Variants in SPAG16 observed in about 807,000 individuals in gnomAD.
SPAG16 encodes the protein sperm-associated antigen 16 protein.
A neutral mutation model predicts 80.4 loss-of-function variants in SPAG16; 86 were observed. That is an observed-to-expected ratio of 1.07 (90% CI 0.90 to 1.28). The LOEUF (loss-of-function observed/expected upper bound fraction) is 1.28, where lower values mean the gene tolerates loss of function less well. Ranked by LOEUF, SPAG16 falls within the 50% of genes most tolerant of loss-of-function variation. The pLI, the probability that SPAG16 is intolerant of heterozygous loss-of-function variation, is 0.00. For synonymous variants in SPAG16, 294 were observed against 265.9 expected (o/e 1.11, Z -1.03); for missense variants, 870 against 765.3 (o/e 1.14, Z -1.61).
intron 14 of SPAG16, among the ~76,000 whole-genome samples, chr2:214,145,272 A>G (rs1201992601): frequency 6.6e-6 from 1 of 152,200 alleles, no homozygotes; most frequent in African/African-American, 2.4e-5. Context: ...AGTTTACATA[A>G]CAGTTGCCTC....
intron 10 of SPAG16, among the ~76,000 whole-genome samples, chr2:213,802,009 C>G (rs2071439318): frequency 6.6e-6 from 1 of 152,044 alleles, no homozygotes; most frequent in South Asian, 2.1e-4. Context: ...GGCAAATTAC[C>G]TACAACATTT....
chr2:213,880,720 T>C (rs1896280), intron 11 of SPAG16, among the ~76,000 whole-genome samples: 90,436 of 152,106 alleles, frequency 0.59, 28,775 homozygotes, highest in South Asian at 0.85. Context: ...CAGCACCATT[T>C]ATTACATAGA....
intron 13 of SPAG16, among the ~76,000 whole-genome samples, chr2:214,024,098 T>A (rs2048020881): frequency 6.6e-6 from 1 of 151,638 alleles, no homozygotes; most frequent in Admixed American, 6.6e-5. Flanking sequence ...ATCAATTATT[T>A]AGAATAAAAT....
intron 15 of SPAG16, among the ~76,000 whole-genome samples, chr2:214,178,087 G>A (rs1286613026): frequency 6.9e-6 from 1 of 143,988 alleles, no homozygotes; most frequent in Non-Finnish European, 1.5e-5. Context: ...CATTTACACA[G>A]AAGAAACTGA....
At chr2:213,446,872 C>G (rs1334594466) in intron 9 of SPAG16, among the ~76,000 whole-genome samples, 1 of 152,168 alleles carries the variant, frequency 6.6e-6, no homozygotes, top group Non-Finnish European at 1.5e-5. Context: ...TCTAGAAACT[C>G]AAGTCTGGGC....
intron 5 of SPAG16, among the ~76,000 whole-genome samples, chr2:213,337,542 G>A (rs1295810089): frequency 6.6e-6 from 1 of 152,160 alleles, no homozygotes; most frequent in Non-Finnish European, 1.5e-5. Flanking sequence ...ACCTGATCAA[G>A]CTGAGAAACA....
intron 9 of SPAG16, among the ~76,000 whole-genome samples, chr2:213,466,110 T>C (rs999026950): frequency 2.6e-5 from 4 of 152,174 alleles, no homozygotes; most frequent in Non-Finnish European, 5.9e-5. Context: ...CCTTGAACAT[T>C]GGACTCCAAG....
At chr2:214,393,756 G>A (rs2126131894) in intron 15 of SPAG16, among the ~76,000 whole-genome samples, 1 of 152,210 alleles carries the variant, frequency 6.6e-6, no homozygotes, top group East Asian at 1.9e-4. Context: ...TGTTATACAT[G>A]AGAAGTAATG....
At chr2:214,141,957 T>G (rs1021778064) in intron 14 of SPAG16, among the ~76,000 whole-genome samples, 4 of 152,178 alleles carry the variant, frequency 2.6e-5, no homozygotes, top group Non-Finnish European at 5.9e-5. Context: ...CATTACACCT[T>G]TGGATACTGC....
intron 10 of SPAG16, among the ~76,000 whole-genome samples, chr2:213,584,261 T>TA (rs1249320166): frequency 1.3e-5 from 2 of 151,738 alleles, no homozygotes; most frequent in African/African-American, 4.9e-5. Context: ...TTATCGTTTT[T>TA]AAAATGTCTT....
At chr2:214,172,686 A>G (rs1392507479) in intron 15 of SPAG16, among the ~76,000 whole-genome samples, 5 of 152,018 alleles carry the variant, frequency 3.3e-5, no homozygotes, top group African/African-American at 1.2e-4. Context: ...ACTGACTTCC[A>G]CAAGGGTTGA....
intron 13 of SPAG16, among the ~76,000 whole-genome samples, chr2:214,103,097 T>G (rs1170268143): frequency 6.6e-6 from 1 of 152,122 alleles, no homozygotes; most frequent in African/African-American, 2.4e-5. Flanking sequence ...CTTTCTCCAG[T>G]GGCATGTGCC....
intron 15 of SPAG16, among the ~76,000 whole-genome samples, chr2:214,258,436 G>C (rs1476989960): frequency 2.0e-5 from 3 of 148,586 alleles, no homozygotes. Flanking sequence ...TTATGGCTGA[G>C]TAGTATCCCA....
chr2:214,112,054 A>G (rs956637993), intron 14 of SPAG16, among the ~76,000 whole-genome samples: 2 of 152,144 alleles, frequency 1.3e-5, no homozygotes, highest in Non-Finnish European at 2.9e-5. Flanking sequence ...TAAATATACA[A>G]TCATGTCATC....
At chr2:214,140,704 C>A (rs1352562770) in intron 14 of SPAG16, among the ~76,000 whole-genome samples, 1 of 151,494 alleles carries the variant, frequency 6.6e-6, no homozygotes, top group Non-Finnish European at 1.5e-5. Context: ...CTAGTAATTT[C>A]TTTTCTGTAA....
Position 214,172,839 on chromosome 2 carries a change from C to T in SPAG16, c.1720+23573C>T, listed in dbSNP as rs2125639005. ...CTCATTGTGGTTTTGATTTGCATTT[C>T]TCTGATGGCCAGTGATGGTGAACAT... On this transcript the variant is annotated intron_variant, in intron 15 of 15. Coordinates refer to ENST00000331683, the MANE Select transcript of SPAG16 (RefSeq NM_024532.5). Among the ~76,000 whole-genome samples the T allele has an allele frequency of 1.3e-5, 2 of 152,238 alleles. 1 individual carries two copies. Among genetic ancestry groups the T allele is most frequent in the South Asian group, 4.1e-4 (2 of 4,824 alleles).
intron 15 of SPAG16, among the ~76,000 whole-genome samples, chr2:214,307,114 A>C (rs1259429400): frequency 6.6e-6 from 1 of 152,084 alleles, no homozygotes; most frequent in Non-Finnish European, 1.5e-5. Context: ...CAGTCTCGGG[A>C]AGAGGTATAT....
Position 213,820,959 on chromosome 2 carries a change from A to G in SPAG16, c.1071-41526A>G, listed in dbSNP as rs73986968. ...GGGCATAAAATGCTCCAAAAATATA[A>G]ACAACTATAAGAAATTCCTTTCTGA... On this transcript the variant is annotated intron_variant, in intron 10 of 15. Coordinates refer to ENST00000331683, the MANE Select transcript of SPAG16 (RefSeq NM_024532.5). Among the ~76,000 whole-genome samples, 764 of 152,228 alleles carry G rather than the reference A, an allele frequency of 5.0e-3. 7 individuals carry two copies. The highest frequency in any genetic ancestry group is 0.017 in the African/African-American group (727 of 41,570).
intron 10 of SPAG16, among the ~76,000 whole-genome samples, chr2:213,498,729 A>G (rs1044141944): frequency 2.6e-5 from 4 of 151,956 alleles, no homozygotes; most frequent in African/African-American, 7.3e-5. Context: ...ACTTTCTCCC[A>G]TTTTATTTAA....
Sources: gnomAD v4.1 joint callset for allele counts (sites outside exome capture counted in the v4.1 genomes callset) on GRCh38, gnomAD v4.1.1 for gene constraint, MANE v1.5 for transcripts, NCBI Gene and HGNC (gene_info 2026-07-23, HGNC 2026-07-21) for gene names.